NPAS3: variants seen among roughly 807,000 people sequenced by gnomAD.
The protein encoded by NPAS3 is neuronal PAS domain protein 3.
A neutral mutation model predicts 73.1 loss-of-function variants in NPAS3; 14 were observed. That is an observed-to-expected ratio of 0.19 (90% CI 0.13 to 0.30). The LOEUF is 0.30. Ranked by LOEUF, NPAS3 falls within the 10% of genes least tolerant of loss-of-function variation. NPAS3 has a pLI of 1.00. For synonymous variants in NPAS3, 620 were observed against 541.5 expected, an observed-to-expected ratio of 1.14 and a Z score of -2.01; for missense variants, 1,096 against 1,250.0, an observed-to-expected ratio of 0.88 and a Z score of 1.86.
intron 2 of NPAS3, among the ~76,000 whole-genome samples, chr14:33,075,566 C>A (rs1440404513): frequency 6.6e-6 from 1 of 152,202 alleles, no homozygotes; most frequent in Non-Finnish European, 1.5e-5. Context: ...GTTGGCCTGG[C>A]TGGCAGTTAT....
chr14:33,794,236 G>T lies in NPAS3; in HGVS notation c.1301+192G>T, dbSNP rs569725681. On this transcript the variant is annotated intron_variant, in intron 10 of 11. Coordinates refer to ENST00000356141, the Ensembl canonical transcript of NPAS3. The stretch of plus-strand genomic sequence containing the variant: ...GAGAAGATCAAACTATGTTGGAAGG[G>T]ACTTGCAGGAAAGATTTCAAGATTT... Among the ~76,000 whole-genome samples, 103 of 152,304 alleles carry T rather than the reference G, an allele frequency of 6.8e-4. 1 individual carries two copies. The highest frequency in any genetic ancestry group is 2.4e-3 in the African/African-American group (99 of 41,560).
At chr14:33,784,735 TTATTTATTTA>T in intron 9 of NPAS3, among the ~76,000 whole-genome samples, 3 of 106,172 alleles carry the variant, frequency 2.8e-5, no homozygotes, top group African/African-American at 9.9e-5. Flanking sequence ...ATTTATTTAT[TTATTTATTTA>T]TTTTTTTTTT....
chr14:33,224,191 C>T (rs1247872698), intron 3 of NPAS3, among the ~76,000 whole-genome samples: 1 of 152,180 alleles, frequency 6.6e-6, no homozygotes, highest in Non-Finnish European at 1.5e-5. Flanking sequence ...TTCTTTAGGA[C>T]TGGAATTCTT....
intron 3 of NPAS3, among the ~76,000 whole-genome samples, chr14:33,274,157 A>C (rs1440766382): frequency 6.6e-6 from 1 of 152,202 alleles, no homozygotes; most frequent in Non-Finnish European, 1.5e-5. Context: ...GATTGGTTAC[A>C]GCTCAGTGTT....
intron 7 of NPAS3, among the ~76,000 whole-genome samples, chr14:33,764,567 G>A (rs1281388647): frequency 4.6e-5 from 7 of 152,204 alleles, no homozygotes. Flanking sequence ...TTTCTTCCTT[G>A]CCTGACGTGG....
Position 33,002,058 on chromosome 14 carries a change from A to G in NPAS3, c.51-53847A>G, listed in dbSNP as rs561429412. Among the ~76,000 whole-genome samples the G allele has an allele frequency of 3.9e-5, 6 of 152,342 alleles. No homozygotes were observed. The South Asian group carries it at 1.2e-3, about 32-fold the overall frequency. The stretch of plus-strand genomic sequence containing the variant: ...GAGCAAGTCTCAGCTCATGTCATGT[A>G]TAACTCATGAAACCTCACACACAAA... On this transcript the variant is annotated intron_variant, in intron 1 of 11. Transcript: ENST00000356141.
At chr14:33,654,937 A>G (rs534909605) in intron 5 of NPAS3, among the ~76,000 whole-genome samples, 1 of 152,212 alleles carries the variant, frequency 6.6e-6, no homozygotes, top group Non-Finnish European at 1.5e-5. Flanking sequence ...GGGAGAAAGG[A>G]GGAAGGCTAG....
intron 5 of NPAS3, among the ~76,000 whole-genome samples, chr14:33,659,988 ACT>A (rs1258741066): frequency 6.6e-6 from 1 of 152,052 alleles, no homozygotes; most frequent in Admixed American, 6.6e-5. Context: ...CCCCAGGACC[ACT>A]CTCCTGAGGC....
chr14:33,679,765 A>G (rs1243690774), intron 6 of NPAS3, among the ~76,000 whole-genome samples: 1 of 152,238 alleles, frequency 6.6e-6, no homozygotes, highest in Non-Finnish European at 1.5e-5. Context: ...CTATGCCACA[A>G]TAGGAATTCT....
At chr14:33,078,866 T>C (rs992189965) in intron 2 of NPAS3, among the ~76,000 whole-genome samples, 1 of 152,220 alleles carries the variant, frequency 6.6e-6, no homozygotes, top group African/African-American at 2.4e-5. Flanking sequence ...AGTAAAGTTT[T>C]AGAAAATGAA....
intron 5 of NPAS3, among the ~76,000 whole-genome samples, chr14:33,642,299 G>A (rs1362669360): frequency 6.6e-6 from 1 of 152,068 alleles, no homozygotes; most frequent in East Asian, 1.9e-4. Flanking sequence ...ATATTAAACT[G>A]TTAAAAGAAA....
intron 1 of NPAS3, among the ~76,000 whole-genome samples, chr14:32,945,290 A>T (rs1170350655): frequency 6.6e-6 from 1 of 152,206 alleles, no homozygotes; most frequent in East Asian, 1.9e-4. Flanking sequence ...GTATAAATTG[A>T]AGTGAAATTG....
intron 6 of NPAS3, among the ~76,000 whole-genome samples, chr14:33,703,342 A>T (rs1250705911): frequency 2.6e-5 from 4 of 151,980 alleles, no homozygotes; most frequent in Non-Finnish European, 5.9e-5. Flanking sequence ...AATTTTGAAA[A>T]CATTTTTCAG....
intron 4 of NPAS3, among the ~76,000 whole-genome samples, chr14:33,411,165 AT>A (rs2047907479): frequency 6.6e-6 from 1 of 152,006 alleles, no homozygotes; most frequent in African/African-American, 2.4e-5. Flanking sequence ...ACATTTGGCA[AT>A]GTCTGGAGGC....
chr14:33,303,350 A>T (rs1251070662), intron 3 of NPAS3, among the ~76,000 whole-genome samples: 1 of 152,120 alleles, frequency 6.6e-6, no homozygotes, highest in African/African-American at 2.4e-5. Context: ...AACCTACTTT[A>T]AAAAATCTAT....
chr14:33,721,562 T>C (rs2061112407), intron 6 of NPAS3, among the ~76,000 whole-genome samples: 2 of 152,190 alleles, frequency 1.3e-5, no homozygotes. Flanking sequence ...TTAACATTAG[T>C]AGTAATCATA....
At chr14:33,082,401 A>T (rs188746459) in intron 2 of NPAS3, among the ~76,000 whole-genome samples, 1 of 152,330 alleles carries the variant, frequency 6.6e-6, no homozygotes, top group East Asian at 1.9e-4. Flanking sequence ...GACGTTTTGC[A>T]AATTTGATTT....
intron 2 of NPAS3, among the ~76,000 whole-genome samples, chr14:33,061,878 C>A (rs905787727): frequency 4.6e-5 from 7 of 152,130 alleles, no homozygotes; most frequent in African/African-American, 1.2e-4. Flanking sequence ...ACAGAGGGGC[C>A]ATTTTTAATA....
chr14:32,989,449 C>T (rs2038226612), intron 1 of NPAS3, among the ~76,000 whole-genome samples: 1 of 152,196 alleles, frequency 6.6e-6, no homozygotes, highest in Admixed American at 6.5e-5. Flanking sequence ...TCGAGACCAT[C>T]CTGGCTAACA....
Sources: gnomAD v4.1 joint callset for allele counts (sites outside exome capture counted in the v4.1 genomes callset) on GRCh38, gnomAD v4.1.1 for gene constraint, MANE v1.5 for transcripts, NCBI Gene and HGNC (gene_info 2026-07-23, HGNC 2026-07-21) for gene names.